The following LARP4 variants were observed in gnomAD, a reference collection of about 807,000 sequenced individuals.
The protein encoded by LARP4 is la-related protein 4.
Under a neutral mutation model 92.9 loss-of-function variants are expected in LARP4, and 29 were observed. The observed-to-expected ratio is 0.31, with a 90% CI of 0.23 to 0.43. The LOEUF (loss-of-function observed/expected upper bound fraction) is 0.43, where lower values mean the gene tolerates loss of function less well. Among genes scored for constraint, LARP4 ranks in the 20% least tolerant of loss-of-function variants. The pLI, the probability that LARP4 is intolerant of heterozygous loss-of-function variation, is 1.00. For missense variants in LARP4, 732 were observed against 860.0 expected (o/e 0.85, Z 1.86); for synonymous variants, 279 against 284.1 (o/e 0.98, Z 0.18).
chr12:50,401,182 TC>T, intron 1 of LARP4, 154 bp downstream of exon 1: 1 of 793,480 alleles, frequency 1.3e-6, no homozygotes. Flanking sequence ...GCCTGCAGCT[TC>T]CCTCTGCGCG....
At chr12:50,444,909 G>T (rs1264146822) in intron 8 of LARP4, among the ~76,000 whole-genome samples, 1 of 152,024 alleles carries the variant, frequency 6.6e-6, no homozygotes, top group Non-Finnish European at 1.5e-5. Flanking sequence ...AAAATGTCTG[G>T]TATTTCACAC....
chr12:50,471,463 C>G (rs1026853664), intron 13 of LARP4, among the ~76,000 whole-genome samples: 1 of 152,158 alleles, frequency 6.6e-6, no homozygotes, highest in African/African-American at 2.4e-5. Context: ...TATAAATCTT[C>G]ATGTGAGCAA....
intron 7 of LARP4, 141 bp downstream of exon 7, chr12:50,440,690 A>C: frequency 1.8e-6 from 1 of 570,444 alleles, no homozygotes; most frequent in Non-Finnish European, 3.1e-6. Context: ...CTTTTGCTCA[A>C]TTGGTTTCCT....
chr12:50,401,087 G>A, intron 1 of LARP4, 59 bp downstream of exon 1: 2 of 1,596,766 alleles, frequency 1.3e-6, no homozygotes, highest in Non-Finnish European at 1.7e-6. Flanking sequence ...TAGAGGCGCC[G>A]GCCGGTCCCA....
At chr12:50,437,859 A>G in intron 6 of LARP4, 21 bp downstream of exon 6, 1 of 1,388,818 alleles carries the variant, frequency 7.2e-7, no homozygotes, top group Non-Finnish European at 1.0e-6. Context: ...AATAATTGTT[A>G]ACACTAAATG....
intron 1 of LARP4, among the ~76,000 whole-genome samples, chr12:50,417,726 A>T (rs1337499559): frequency 1.3e-5 from 2 of 152,096 alleles, no homozygotes; most frequent in Non-Finnish European, 2.9e-5. Context: ...ATGGAGTCTC[A>T]CTCTGTTACC....
intron 1 of LARP4, 55 bp downstream of exon 1, chr12:50,401,083 C>A: frequency 6.2e-7 from 1 of 1,600,670 alleles, no homozygotes; most frequent in Non-Finnish European, 8.6e-7. Context: ...AGTGTAGAGG[C>A]GCCGGCCGGT....
At chr12:50,452,440 T>A (rs1953382555) in intron 8 of LARP4, among the ~76,000 whole-genome samples, 1 of 152,108 alleles carries the variant, frequency 6.6e-6, no homozygotes, top group African/African-American at 2.4e-5. Context: ...CCTCAACCTC[T>A]CAAAGTGCTG....
chr12:50,413,373 G>A (rs1946242620), intron 1 of LARP4, among the ~76,000 whole-genome samples: 1 of 151,904 alleles, frequency 6.6e-6, no homozygotes, highest in African/African-American at 2.4e-5. Flanking sequence ...AGTTGTGTGT[G>A]GATACTATCA....
At chr12:50,469,805 A>G (rs892563752) in intron 13 of LARP4, among the ~76,000 whole-genome samples, 1 of 151,506 alleles carries the variant, frequency 6.6e-6, no homozygotes, top group Non-Finnish European at 1.5e-5. Flanking sequence ...GCTACTCTGG[A>G]GGCTGAGGCA....
At chr12:50,471,655 T>G (rs1197137280) in intron 13 of LARP4, among the ~76,000 whole-genome samples, 1 of 151,938 alleles carries the variant, frequency 6.6e-6, no homozygotes, top group Non-Finnish European at 1.5e-5. Context: ...TCCTGAATGG[T>G]GAATACAGGC....
intron 4 of LARP4, among the ~76,000 whole-genome samples, chr12:50,433,761 T>G (rs1164801701): frequency 6.6e-6 from 1 of 151,788 alleles, no homozygotes; most frequent in Non-Finnish European, 1.5e-5. Flanking sequence ...TGATTCAGCC[T>G]CCCAAGTAGC....
chr12:50,434,666 CAAAG>C (rs1164761603), intron 4 of LARP4, among the ~76,000 whole-genome samples: 1 of 151,738 alleles, frequency 6.6e-6, no homozygotes, highest in Non-Finnish European at 1.5e-5. Flanking sequence ...CTCGGCGTCC[CAAAG>C]TGCTAGGATT....
At chr12:50,434,551 A>AC (rs1950146719) in intron 4 of LARP4, among the ~76,000 whole-genome samples, 1 of 150,102 alleles carries the variant, frequency 6.7e-6, no homozygotes, top group East Asian at 2.0e-4. Flanking sequence ...CCCGAGTAGC[A>AC]CCCACCACCA....
intron 10 of LARP4, among the ~76,000 whole-genome samples, chr12:50,459,952 C>T (rs1393291431): frequency 6.6e-6 from 1 of 151,432 alleles, no homozygotes; most frequent in Non-Finnish European, 1.5e-5. Flanking sequence ...GCCTGGCCAA[C>T]ATGGCAAAAC....
chr12:50,413,284 A>C (rs1946230814), intron 1 of LARP4, among the ~76,000 whole-genome samples: 1 of 152,152 alleles, frequency 6.6e-6, no homozygotes, highest in African/African-American at 2.4e-5. Context: ...ATTCTAGCTA[A>C]ACTGACTTAG....
At chr12:50,456,033 C>T (rs1365938603) in intron 10 of LARP4, among the ~76,000 whole-genome samples, 11 of 152,060 alleles carry the variant, frequency 7.2e-5, no homozygotes, top group Non-Finnish European at 1.5e-5. Context: ...GCCTGGGTGA[C>T]GGTGAGACTC....
intron 12 of LARP4, among the ~76,000 whole-genome samples, chr12:50,464,695 CA>C (rs1317764396): frequency 6.8e-6 from 1 of 146,442 alleles, no homozygotes; most frequent in African/African-American, 2.5e-5. Context: ...GCCTGACCAA[CA>C]ATTCTTTTTT....
chr12:50,468,585 C>G (rs1392484490), intron 13 of LARP4, among the ~76,000 whole-genome samples: 1 of 152,182 alleles, frequency 6.6e-6, no homozygotes, highest in Non-Finnish European at 1.5e-5. Context: ...GCATGAGCCA[C>G]CGCGCCCTGC....
Sources: gnomAD v4.1 joint callset for allele counts (sites outside exome capture counted in the v4.1 genomes callset) on GRCh38, gnomAD v4.1.1 for gene constraint, MANE v1.5 for transcripts, NCBI Gene and HGNC (gene_info 2026-07-23, HGNC 2026-07-21) for gene names.